The following UNC13C variants were observed in gnomAD, a reference collection of about 807,000 sequenced individuals.
UNC13C encodes unc-13 homolog C, also known as protein unc-13 homolog C.
A neutral mutation model predicts 245.4 loss-of-function variants in UNC13C; 174 were observed. The observed-to-expected ratio is 0.71, with a 90% CI of 0.63 to 0.80. The LOEUF (loss-of-function observed/expected upper bound fraction) is 0.80, where lower values mean the gene tolerates loss of function less well. Among genes scored for constraint, UNC13C ranks in the 30% least tolerant of loss-of-function variants. The pLI, the probability that UNC13C is intolerant of heterozygous loss-of-function variation, is 0.00. For synonymous variants in UNC13C, 992 were observed against 895.1 expected, an observed-to-expected ratio of 1.11 and a Z score of -1.93; for missense variants, 2,829 against 2,602.9, an observed-to-expected ratio of 1.09 and a Z score of -1.89.
intron 14 of UNC13C, among the ~76,000 whole-genome samples, chr15:54,327,793 G>A (rs2038337287): frequency 6.6e-6 from 1 of 152,040 alleles, no homozygotes; most frequent in African/African-American, 2.4e-5. Flanking sequence ...TACAGGCATG[G>A]AAGTTAGGGT....
At chr15:54,519,960 T>C (rs1243343610) in intron 24 of UNC13C, among the ~76,000 whole-genome samples, 1 of 152,036 alleles carries the variant, frequency 6.6e-6, no homozygotes, top group African/African-American at 2.4e-5. Context: ...TGAAGGAAAA[T>C]GATGTTTTAA....
At chr15:54,242,915 T>C (rs1367265185) in intron 7 of UNC13C, among the ~76,000 whole-genome samples, 1 of 152,224 alleles carries the variant, frequency 6.6e-6, no homozygotes, top group Non-Finnish European at 1.5e-5. Flanking sequence ...GATCTATTTA[T>C]AGGAATGGTC....
At chr15:54,144,548 A>T (rs1247834098) in intron 4 of UNC13C, among the ~76,000 whole-genome samples, 3 of 152,248 alleles carry the variant, frequency 2.0e-5, no homozygotes, top group Admixed American at 2.0e-4. Flanking sequence ...TTTCCTTCAG[A>T]CAGCTAGTGA....
chr15:54,349,122 A>G (rs2038924385), intron 17 of UNC13C, among the ~76,000 whole-genome samples: 1 of 148,312 alleles, frequency 6.7e-6, no homozygotes, highest in Non-Finnish European at 1.5e-5. Context: ...TATTTTATAA[A>G]TATATAAAAT....
intron 25 of UNC13C, among the ~76,000 whole-genome samples, chr15:54,526,693 G>A (rs187609764): frequency 0.012 from 1,714 of 143,426 alleles, 30 homozygotes; most frequent in African/African-American, 0.043. Flanking sequence ...GCAGTGAGCC[G>A]AGATCGCACC....
chr15:54,553,485 G>GT (rs1264357469), intron 28 of UNC13C, among the ~76,000 whole-genome samples: 1 of 133,938 alleles, frequency 7.5e-6, no homozygotes, highest in African/African-American at 2.8e-5. Flanking sequence ...TTTATAATGT[G>GT]TATTACATAT....
intron 8 of UNC13C, among the ~76,000 whole-genome samples, chr15:54,262,607 G>A (rs1214391075): frequency 1.3e-5 from 2 of 152,102 alleles, no homozygotes; most frequent in South Asian, 2.1e-4. Flanking sequence ...CTATTCTAGG[G>A]ACATGTTTCA....
At chr15:54,336,321 A>C (rs892500328) in intron 16 of UNC13C, among the ~76,000 whole-genome samples, 7 of 152,050 alleles carry the variant, frequency 4.6e-5, no homozygotes, top group Non-Finnish European at 8.8e-5. Flanking sequence ...ACTTTCTTGC[A>C]TTCTTCAAGA....
chr15:54,203,501 TATAC>T (rs1363803362), intron 4 of UNC13C, among the ~76,000 whole-genome samples: 4,031 of 142,138 alleles, frequency 0.028, 197 homozygotes, highest in African/African-American at 0.1. Flanking sequence ...TATATATATA[TATAC>T]ACACACACAC....
chr15:54,086,737 C>CTTGTTTTTTTTTTTTTTTTTTTTT (rs1899260758), intron 2 of UNC13C, among the ~76,000 whole-genome samples: 1 of 92,012 alleles, frequency 1.1e-5, no homozygotes, highest in Non-Finnish European at 2.1e-5. Context: ...TATTTTCTTT[C>CTTGTTTTTTTTTTTTTTTTTTTTT]TTTTTTTTTT....
intron 4 of UNC13C, among the ~76,000 whole-genome samples, chr15:54,144,279 G>A (rs2032158284): frequency 1.3e-5 from 2 of 151,518 alleles, no homozygotes; most frequent in Non-Finnish European, 1.5e-5. Flanking sequence ...ATTTTTCTAC[G>A]TGTTTGCAAT....
chr15:54,006,529 T>G (rs1895144872), intron 1 of UNC13C, among the ~76,000 whole-genome samples: 1 of 152,228 alleles, frequency 6.6e-6, no homozygotes, highest in Admixed American at 6.5e-5. Flanking sequence ...TTATTTAATG[T>G]GTTACTGTGT....
intron 2 of UNC13C, among the ~76,000 whole-genome samples, chr15:54,087,851 G>A (rs1042925650): frequency 3.3e-5 from 5 of 152,158 alleles, no homozygotes; most frequent in African/African-American, 1.2e-4. Flanking sequence ...CCTGATTGAG[G>A]AAATTATCAA....
rs1292696920 is a variant in UNC13C, at chr15:54,013,761, T to C, written c.858T>C (p.Ser286=). ...CCAGCAGTGTGGAGGTTGTACAAAG[T>C]GAAATTGAGCAGTTGCGCACAGGGT... ...EISSSVEVVQ[S]EIEQLRTGFV... The change falls in exon 2 of 33, where the codon AGT becomes AGC. Residue 286 remains serine, a synonymous_variant. Coordinates refer to ENST00000260323, the MANE Select transcript of UNC13C (RefSeq NM_001080534.3). 3.1e-6 allele frequency: 5 copies of C among 1,610,510 alleles called. No individual in the cohort carries two copies. In the East Asian group the frequency reaches 1.1e-4, roughly 36 times the overall value.
intron 26 of UNC13C, among the ~76,000 whole-genome samples, chr15:54,542,760 T>G (rs1489054893): frequency 6.6e-6 from 1 of 152,182 alleles, no homozygotes; most frequent in Non-Finnish European, 1.5e-5. Flanking sequence ...GTAATCCCCT[T>G]CTTTGTCTTT....
intron 13 of UNC13C, 83 bp downstream of exon 13, chr15:54,300,456 C>G (rs2140946064): frequency 1.6e-6 from 2 of 1,271,722 alleles, no homozygotes; most frequent in East Asian, 5.1e-5. Context: ...ACTTCTAATT[C>G]AAATGAAACT....
intron 13 of UNC13C, among the ~76,000 whole-genome samples, chr15:54,312,717 C>T (rs1047597205): frequency 6.6e-6 from 1 of 151,666 alleles, no homozygotes; most frequent in Non-Finnish European, 1.5e-5. Flanking sequence ...CTGGGGAGTC[C>T]ATTAGCATGA....
At chr15:54,623,741 A>G in intron 31 of UNC13C, 54 bp from the exon 32 acceptor site, 6 of 1,522,158 alleles carry the variant, frequency 3.9e-6, no homozygotes, top group Non-Finnish European at 5.4e-6. Context: ...TTAAAATTTC[A>G]CTCTAAATTT....
At chr15:53,934,933 T>A in the UNC13C span, among the ~76,000 whole-genome samples, 3 of 152,154 alleles carry the variant, frequency 2.0e-5, no homozygotes, top group East Asian at 3.9e-4. Flanking sequence ...TATCATTACA[T>A]TGGGGAGTGG....
Sources: allele counts gnomAD v4.1 joint callset (sites outside exome capture counted in the v4.1 genomes callset), GRCh38; gene constraint gnomAD v4.1.1; transcripts MANE v1.5; gene names NCBI Gene and HGNC (gene_info 2026-07-23, HGNC 2026-07-21).